The following CD86 variants were observed in gnomAD, a reference collection of about 807,000 sequenced individuals.
CD86 encodes CD86 molecule, also known as T-lymphocyte activation antigen CD86.
In CD86, 11 loss-of-function variants were observed where a neutral mutation model predicts 32.1. The observed-to-expected ratio is 0.34, with a 90% CI of 0.22 to 0.57. The LOEUF is 0.57. Among genes scored for constraint, CD86 ranks in the 20% least tolerant of loss-of-function variants. The pLI is 0.86. For synonymous variants in CD86, 137 were observed against 135.3 expected (o/e 1.01, Z -0.09); for missense variants, 359 against 398.4 (o/e 0.90, Z 0.84).
rs561734618 is a variant in CD86 at position 122,066,523 on chromosome 3, G to A, written c.14+11020G>A. ...TGCTAAAAGCTTGAGGGTCACACTA[G>A]CTGTGTGATCTTTGGCAGCTGGCCA... On this transcript the variant is annotated intron_variant, in intron 1 of 6. Coordinates refer to ENST00000330540, the MANE Select transcript of CD86 (RefSeq NM_175862.5). Among the ~76,000 whole-genome samples the A allele has an allele frequency of 7.2e-5, 11 of 152,268 alleles. No homozygotes were observed. In the South Asian group the frequency reaches 2.3e-3, roughly 32 times the overall value.
intron 2 of CD86, chr3:122,092,002 A>C (rs1450392308): frequency 5.0e-6 from 1 of 201,006 alleles, no homozygotes; most frequent in Non-Finnish European, 1.0e-5. Flanking sequence ...TTCCACACAT[A>C]TTCTCTTCTG....
intron 1 of CD86, among the ~76,000 whole-genome samples, chr3:122,080,567 A>G (rs2072619429): frequency 6.6e-6 from 1 of 152,164 alleles, no homozygotes; most frequent in Middle Eastern, 3.2e-3. Flanking sequence ...CTGCGAAGAC[A>G]TTTCTTCTCT....
At chr3:122,097,849 A>G (rs991961621) in intron 2 of CD86, among the ~76,000 whole-genome samples, 1 of 152,232 alleles carries the variant, frequency 6.6e-6, no homozygotes, top group Non-Finnish European at 1.5e-5. Flanking sequence ...TGTCTTCTCT[A>G]TGATGAGGAG....
At chr3:122,061,836 C>G (rs563308486) in intron 1 of CD86, among the ~76,000 whole-genome samples, 5 of 152,272 alleles carry the variant, frequency 3.3e-5, no homozygotes, top group Admixed American at 6.5e-5. Flanking sequence ...CAACTGCATT[C>G]TTGGGTTTTG....
At chr3:122,092,189 C>G (rs2072835276) in intron 2 of CD86, 1 of 152,550 alleles carries the variant, frequency 6.6e-6, no homozygotes, top group African/African-American at 2.4e-5. Flanking sequence ...TTCCTGACAA[C>G]TATGGATGTT....
intron 1 of CD86, among the ~76,000 whole-genome samples, chr3:122,070,643 A>C (rs1369483245): frequency 6.6e-6 from 1 of 152,220 alleles, no homozygotes; most frequent in Non-Finnish European, 1.5e-5. Context: ...TTAAAAATTG[A>C]TCTGGCCCTT....
chr3:122,087,905 G>T (rs2072750530), intron 1 of CD86, among the ~76,000 whole-genome samples: 1 of 152,130 alleles, frequency 6.6e-6, no homozygotes, highest in Admixed American at 6.5e-5. Flanking sequence ...ATCAAAAATG[G>T]TACTGATTCC....
At chr3:122,091,943 G>C (rs990128937) in intron 2 of CD86, 4 of 336,480 alleles carry the variant, frequency 1.2e-5, no homozygotes, top group Non-Finnish European at 2.2e-5. Context: ...CATCCCATGG[G>C]GATGGGGGAA....
intron 4 of CD86, among the ~76,000 whole-genome samples, chr3:122,106,840 G>GCACGCACACA (rs1553754162): frequency 1.4e-5 from 2 of 143,476 alleles, no homozygotes; most frequent in Non-Finnish European, 3.0e-5. Flanking sequence ...ACATGCGCTT[G>GCACGCACACA]CACACACACA....
intron 1 of CD86, among the ~76,000 whole-genome samples, chr3:122,072,602 T>C (rs966672640): frequency 3.0e-4 from 45 of 152,224 alleles, no homozygotes; most frequent in Non-Finnish European, 5.4e-4. Flanking sequence ...GTAAATTTGT[T>C]TGAGTTCATT....
chr3:122,076,141 A>G (rs921005024), intron 1 of CD86, among the ~76,000 whole-genome samples: 1 of 152,236 alleles, frequency 6.6e-6, no homozygotes, highest in Non-Finnish European at 1.5e-5. Context: ...TAGTATTAAC[A>G]CAAAGATTTT....
intron 2 of CD86, among the ~76,000 whole-genome samples, chr3:122,098,662 G>A (rs918805056): frequency 2.0e-5 from 3 of 152,152 alleles, no homozygotes; most frequent in East Asian, 1.9e-4. Flanking sequence ...AACTAGACCC[G>A]GGGACAAGGA....
At chr3:122,057,091 C>G (rs900168948) in intron 1 of CD86, among the ~76,000 whole-genome samples, 12 of 152,112 alleles carry the variant, frequency 7.9e-5, no homozygotes, top group Non-Finnish European at 1.5e-5. Context: ...TTTTAAAAAG[C>G]AAGCAATCAA....
intron 1 of CD86, among the ~76,000 whole-genome samples, chr3:122,088,962 G>A (rs569789639): frequency 6.6e-6 from 1 of 152,288 alleles, no homozygotes; most frequent in East Asian, 1.9e-4. Flanking sequence ...TAAACAAAAT[G>A]TAGTATGTAC....
chr3:122,084,789 A>G (rs773976182), intron 1 of CD86, among the ~76,000 whole-genome samples: 6 of 152,168 alleles, frequency 3.9e-5, no homozygotes, highest in African/African-American at 9.7e-5. Flanking sequence ...ACTGTATTCT[A>G]TGGTCAAACA....
chr3:122,113,761 T>G, intron 5 of CD86, among the ~76,000 whole-genome samples: 1 of 152,136 alleles, frequency 6.6e-6, no homozygotes, highest in East Asian at 1.9e-4. Context: ...CTCAGTCAAT[T>G]AAGAAATAGC....
chr3:122,119,744 T>C lies in CD86; in HGVS notation c.*210T>C. The C allele has an allele frequency of 2.0e-6, 1 of 503,192 alleles. No homozygotes were observed. The highest frequency in any genetic ancestry group is 3.5e-6 in the Non-Finnish European group (1 of 286,666). 31.2% of individuals were successfully genotyped at this position (503,192 alleles called of 1,614,324 possible). A position where few individuals can be genotyped will look rare whatever the true frequency, so the allele number is the denominator to read the frequency against. ...GAGACTTTAATTCTCTTACTGCTTC[T>C]TTTCACTTCAGAGCACACTTATGGG... On this transcript the variant is annotated 3_prime_UTR_variant, in exon 7 of 7. Transcript: ENST00000330540.
chr3:122,105,055 C>T (rs891193385), intron 3 of CD86, among the ~76,000 whole-genome samples: 13 of 152,316 alleles, frequency 8.5e-5, no homozygotes, highest in Admixed American at 3.3e-4. Context: ...GAATGGAGAG[C>T]TGCTCCCTTT....
At chr3:122,081,666 C>A (rs1309588122) in intron 1 of CD86, among the ~76,000 whole-genome samples, 1 of 152,150 alleles carries the variant, frequency 6.6e-6, no homozygotes, top group Non-Finnish European at 1.5e-5. Context: ...GGCTAACAGC[C>A]CTCATAAGTG....
Sources: allele counts gnomAD v4.1 joint callset (sites outside exome capture counted in the v4.1 genomes callset), GRCh38; gene constraint gnomAD v4.1.1; transcripts MANE v1.5; gene names NCBI Gene and HGNC (gene_info 2026-07-23, HGNC 2026-07-21).